Variants in F8 observed in about 807,000 individuals in gnomAD.
The protein encoded by F8 is coagulation factor VIII, also known as antihemophilic factor.
F8 carries 12 observed loss-of-function variants against 140.6 expected under a neutral mutation model. The ratio of observed to expected loss-of-function variants is 0.09; its 90% CI spans 0.05 to 0.14. The LOEUF is 0.14. F8 is among the 10% of genes least tolerant of loss of function. F8 has a pLI of 1.00. For synonymous variants in F8, 585 were observed against 614.6 expected (o/e 0.95, Z 0.71); for missense variants, 1,354 against 1,720.7 (o/e 0.79, Z 3.77).
At chrX:154,962,827 C>T (rs1388503829) in intron 9 of F8, among the ~76,000 whole-genome samples, 2 of 109,875 alleles carry the variant, frequency 1.8e-5, no homozygotes, top group Non-Finnish European at 3.8e-5. Flanking sequence ...TGTGATCACA[C>T]CACAGCACTC....
intron 25 of F8, among the ~76,000 whole-genome samples, chrX:154,855,170 C>T (rs782006590): frequency 4.5e-4 from 50 of 111,867 alleles, no homozygotes; most frequent in Non-Finnish European, 8.5e-4. Context: ...TAATCAACTA[C>T]TTTTAAGAAG....
At position 155,020,141 on chromosome X, in the gene F8, T is replaced by C. The variant is rs138413863; in HGVS notation, c.143+2269A>G. Among the ~76,000 whole-genome samples, 814 of 111,855 alleles carry C rather than the reference T, an allele frequency of 7.3e-3. 7 individuals are homozygous for C. Among genetic ancestry groups the C allele is most frequent in the African/African-American group, 0.025 (774 of 30,791 alleles). On this transcript the variant is annotated intron_variant, in intron 1 of 25. Transcript: ENST00000360256. ...ACCCACCAGATATCAGAAGATATCA[T>C]AGGCTCACTGTAATCAAATCACTAT...
intron 11 of F8, among the ~76,000 whole-genome samples, chrX:154,955,165 CTTTTTTTT>C (rs1185466045): frequency 0.014 from 512 of 36,029 alleles, 5 homozygotes; most frequent in South Asian, 0.1. Context: ...ATTTATTAAG[CTTTTTTTT>C]TTTTTTTTTT....
intron 6 of F8, among the ~76,000 whole-genome samples, chrX:154,974,686 G>A (rs2073475556): frequency 1.8e-5 from 2 of 111,764 alleles, no homozygotes; most frequent in Non-Finnish European, 3.8e-5. Context: ...TTAGATGTTT[G>A]GTAGAATTCA....
chrX:154,877,025 A>G (rs1461950530), intron 22 of F8, among the ~76,000 whole-genome samples: 1 of 112,389 alleles, frequency 8.9e-6, no homozygotes, highest in Non-Finnish European at 1.9e-5. Flanking sequence ...AATGAAGTAT[A>G]TATCAATGTA....
intron 22 of F8, among the ~76,000 whole-genome samples, chrX:154,870,077 A>G (rs368039627): frequency 3.6e-5 from 4 of 111,884 alleles, no homozygotes; most frequent in Non-Finnish European, 7.5e-5. Context: ...CAAAAAAAGT[A>G]CAGGACCAGA....
At chrX:154,888,330 C>T (rs1301552329) in intron 22 of F8, among the ~76,000 whole-genome samples, 4 of 66,994 alleles carry the variant, frequency 6.0e-5, no homozygotes, top group East Asian at 4.5e-4. Context: ...TGGTTCCATT[C>T]GCAGAGGTAT....
chrX:154,896,451 C>G (rs1306004915), intron 21 of F8, among the ~76,000 whole-genome samples: 2 of 109,213 alleles, frequency 1.8e-5, no homozygotes, highest in Non-Finnish European at 3.8e-5. Context: ...TATTGAGTTC[C>G]CAGCCTGCTT....
chrX:154,896,278 T>C, intron 21 of F8, 46 bp from the exon 22 acceptor site: 1 of 1,139,588 alleles, frequency 8.8e-7, no homozygotes, highest in Non-Finnish European at 1.2e-6. Flanking sequence ...TTTAAATGTA[T>C]GTGCTACCTC....
At chrX:154,965,071 A>G (rs1557281873) in intron 9 of F8, among the ~76,000 whole-genome samples, 6 of 112,380 alleles carry the variant, frequency 5.3e-5, no homozygotes, top group Non-Finnish European at 1.1e-4. Flanking sequence ...CAAATAGCCA[A>G]CAAACATGAA....
intron 10 of F8, among the ~76,000 whole-genome samples, chrX:154,959,072 T>C (rs5987072): frequency 8.9e-6 from 1 of 111,763 alleles, no homozygotes; most frequent in Non-Finnish European, 1.9e-5. Context: ...AAGGGAAAAG[T>C]AGTTAATGCT....
intron 14 of F8, among the ~76,000 whole-genome samples, chrX:154,907,592 C>A (rs2073044876): frequency 8.9e-6 from 1 of 111,885 alleles, no homozygotes; most frequent in Non-Finnish European, 1.9e-5. Context: ...TTACAAATAT[C>A]TGGTATTGAC....
chrX:154,907,153 AT>A (rs2073043065), intron 14 of F8, among the ~76,000 whole-genome samples: 1 of 112,096 alleles, frequency 8.9e-6, no homozygotes. Flanking sequence ...GCTTTTCTTT[AT>A]AATTTTACCA....
rs370369511 is a variant in F8, at chrX:154,906,538, A to G, written c.5255T>C (p.Val1752Ala). The change falls in exon 15 of 26, where the codon GTT becomes GCT. Residue 1752 changes from valine to alanine, a missense_variant. By Grantham distance (64) the Val-to-Ala change is moderately conservative. This residue lies in a region of F8 where 316 missense variants were observed against 485.4 expected (regional missense o/e 0.65). Transcript: ENST00000360256. ...GCCATCAGTAAATTCCTGGAAAACA[A>G]CTTTCTTGAACTGAGGGACACTGCC... ...QSGSVPQFKK[V>A]VFQEFTDGSF... 2 of 1,208,596 alleles carry G rather than the reference A, an allele frequency of 1.7e-6. No homozygotes were observed. The highest frequency in any genetic ancestry group is 3.5e-5 in the African/African-American group (2 of 56,891).
At chrX:154,862,021 GTTTTGTTTTGT>G (rs1319974685) in intron 23 of F8, among the ~76,000 whole-genome samples, 155 bp from the exon 24 acceptor site, 1 of 110,890 alleles carries the variant, frequency 9.0e-6, no homozygotes, top group African/African-American at 3.3e-5. Context: ...TTTTTGTTTT[GTTTTGTTTTGT>G]TTTTGTTTTT....
intron 6 of F8, among the ~76,000 whole-genome samples, chrX:154,983,099 T>C (rs1383064969): frequency 8.9e-6 from 1 of 111,974 alleles, no homozygotes; most frequent in Non-Finnish European, 1.9e-5. Flanking sequence ...TCAACCACAT[T>C]TTGTTTGACC....
At chrX:154,943,373 A>C (rs1215887651) in intron 13 of F8, among the ~76,000 whole-genome samples, 4 of 111,935 alleles carry the variant, frequency 3.6e-5, no homozygotes, top group Admixed American at 2.8e-4. Flanking sequence ...ATACACCAAT[A>C]ACAGGCAAAC....
At chrX:154,951,462 T>C (rs1422118825) in intron 12 of F8, among the ~76,000 whole-genome samples, 2 of 111,678 alleles carry the variant, frequency 1.8e-5, no homozygotes, top group African/African-American at 6.5e-5. Flanking sequence ...ATTTTGCCCA[T>C]TTTTGAACTT....
At chrX:154,863,012 G>C in intron 23 of F8, 71 bp downstream of exon 23, 3 of 1,127,980 alleles carry the variant, frequency 2.7e-6, no homozygotes, top group Non-Finnish European at 3.7e-6. Context: ...CCCAGTCTCA[G>C]GATAACTAGA....
Sources: gnomAD v4.1 joint callset for allele counts (sites outside exome capture counted in the v4.1 genomes callset) on GRCh38, gnomAD v4.1.1 for gene constraint, gnomAD v4.1.1 regional missense constraint, MANE v1.5 for transcripts, NCBI Gene and HGNC (gene_info 2026-07-23, HGNC 2026-07-21) for gene names.